SCGB2B2: variants seen among roughly 807,000 people sequenced by gnomAD.
SCGB2B2 encodes the protein secretoglobin-like protein.
SCGB2B2 carries 11 observed loss-of-function variants against 7.6 expected under a neutral mutation model. The observed-to-expected ratio is 1.45, with a 90% CI of 0.91 to 2.40. The LOEUF (loss-of-function observed/expected upper bound fraction) is 2.40, where lower values mean the gene tolerates loss of function less well. Among genes scored for constraint, SCGB2B2 ranks in the 30% most tolerant of loss-of-function variants. The pLI is 0.00. For synonymous variants in SCGB2B2, 50 were observed against 48.6 expected (o/e 1.03, Z -0.12); for missense variants, 104 against 115.4 (o/e 0.90, Z 0.45).
At chr19:34,664,155 C>T (rs541763650) in intron 1 of SCGB2B2, among the ~76,000 whole-genome samples, 3 of 152,316 alleles carry the variant, frequency 2.0e-5, no homozygotes, top group Non-Finnish European at 2.9e-5. Flanking sequence ...CCTCCCAGTG[C>T]GGGAGAAAAG....
chr19:34,668,225 G>C (rs2067691705), intron 1 of SCGB2B2, among the ~76,000 whole-genome samples: 2 of 152,198 alleles, frequency 1.3e-5, no homozygotes, highest in Non-Finnish European at 1.5e-5. Context: ...GGGGCTGAGC[G>C]TGGCGCTTGC....
intron 1 of SCGB2B2, among the ~76,000 whole-genome samples, chr19:34,625,806 C>T (rs113889163): frequency 9.8e-5 from 15 of 152,296 alleles, no homozygotes; most frequent in Admixed American, 7.2e-4. Flanking sequence ...GATCTGAGAA[C>T]GGACAGACTG....
chr19:34,598,205 G>A (rs560972173), intron 1 of SCGB2B2, among the ~76,000 whole-genome samples: 18 of 152,298 alleles, frequency 1.2e-4, no homozygotes, highest in Non-Finnish European at 1.9e-4. Context: ...GAACAGTGAC[G>A]CAGCACATGC....
chr19:34,673,648 A>C (rs192117726), intron 1 of SCGB2B2, among the ~76,000 whole-genome samples: 1 of 152,346 alleles, frequency 6.6e-6, no homozygotes, highest in Non-Finnish European at 1.5e-5. Context: ...AAAAAAAATT[A>C]TTACAGTATT....
intron 1 of SCGB2B2, chr19:34,637,578 A>T (rs2066720256): frequency 5.5e-6 from 1 of 182,784 alleles, no homozygotes; most frequent in African/African-American, 2.4e-5. Context: ...GCTACACTCC[A>T]CAACTCATCA....
rs1309903956 is a variant in SCGB2B2, at chr19:34,676,004, C to T, written c.-2406G>A. ...ACCCAAAGAGCAAAAGAACAAACAT[C>T]CCACACCTGGGAAGTAGACCCCAGC... On this transcript the variant is annotated 5_prime_UTR_variant, in exon 1 of 4. Transcript: ENST00000601241. 2.6e-5 allele frequency: 4 copies of T among 152,206 alleles called. No homozygotes were observed. The highest frequency in any genetic ancestry group is 9.7e-5 in the African/African-American group (4 of 41,448). 9.4% of individuals were successfully genotyped at this position (152,206 alleles called of 1,614,324 possible). A position where few individuals can be genotyped will look rare whatever the true frequency, so the allele number is the denominator to read the frequency against.
chr19:34,585,685 T>TGAAGGTTGAAGGTGA (rs1376714285), downstream of SCGB2B2, among the ~76,000 whole-genome samples: 3 of 152,152 alleles, frequency 2.0e-5, no homozygotes, highest in Non-Finnish European at 4.4e-5. Context: ...GGTGAGGGCT[T>TGAAGGTTGAAGGTGA]GGGTTGAAGA....
At chr19:34,650,850 C>T (rs2067144581) in intron 1 of SCGB2B2, among the ~76,000 whole-genome samples, 1 of 151,310 alleles carries the variant, frequency 6.6e-6, no homozygotes, top group Non-Finnish European at 1.5e-5. Context: ...TGCAAACATT[C>T]TCCACAAAAT....
At chr19:34,668,738 G>C (rs1368868421) in intron 1 of SCGB2B2, among the ~76,000 whole-genome samples, 2 of 152,148 alleles carry the variant, frequency 1.3e-5, no homozygotes, top group Non-Finnish European at 2.9e-5. Flanking sequence ...CTACTCTGGT[G>C]GGGACTTGGA....
chr19:34,599,734 C>G (rs1374100711), intron 1 of SCGB2B2, among the ~76,000 whole-genome samples: 1 of 152,090 alleles, frequency 6.6e-6, no homozygotes, highest in Non-Finnish European at 1.5e-5. Flanking sequence ...CCTGTCTTTT[C>G]CTCCCCGCCC....
At chr19:34,650,342 C>G (rs1458921016) in intron 1 of SCGB2B2, among the ~76,000 whole-genome samples, 1 of 151,282 alleles carries the variant, frequency 6.6e-6, no homozygotes, top group African/African-American at 2.5e-5. Context: ...CTCCTGCTCA[C>G]CTGGCTGAGC....
intron 1 of SCGB2B2, among the ~76,000 whole-genome samples, chr19:34,657,866 G>C (rs2067324386): frequency 6.6e-6 from 1 of 151,972 alleles, no homozygotes; most frequent in Non-Finnish European, 1.5e-5. Context: ...CCTCAGCAAA[G>C]GTAAAAGAAC....
At chr19:34,659,635 A>G (rs982120667) in intron 1 of SCGB2B2, among the ~76,000 whole-genome samples, 1 of 152,216 alleles carries the variant, frequency 6.6e-6, no homozygotes, top group African/African-American at 2.4e-5. Context: ...AGTGAAATAA[A>G]AGAGGACACA....
chr19:34,627,285 A>AAT (rs1286067595), intron 1 of SCGB2B2, among the ~76,000 whole-genome samples: 1 of 152,224 alleles, frequency 6.6e-6, no homozygotes, highest in African/African-American at 2.4e-5. Flanking sequence ...AAATGGGCTA[A>AAT]ATGCTCCAGT....
At chr19:34,588,819 A>G (rs922375155), downstream of SCGB2B2, among the ~76,000 whole-genome samples, 3 of 143,618 alleles carry the variant, frequency 2.1e-5, no homozygotes, top group African/African-American at 7.8e-5. Flanking sequence ...GAGGAGAAGG[A>G]AATGGGGGTG....
intron 1 of SCGB2B2, among the ~76,000 whole-genome samples, chr19:34,649,198 G>C (rs914876290): frequency 6.6e-6 from 1 of 152,140 alleles, no homozygotes; most frequent in African/African-American, 2.4e-5. Flanking sequence ...GAGCCACTGT[G>C]CCCAGCCTGG....
chr19:34,617,227 C>T (rs1268243278), intron 1 of SCGB2B2, among the ~76,000 whole-genome samples: 2 of 151,930 alleles, frequency 1.3e-5, no homozygotes, highest in Non-Finnish European at 2.9e-5. Context: ...TGAAGAAAGT[C>T]ATTGGTAGCT....
chr19:34,641,872 C>T (rs2066851697), intron 1 of SCGB2B2, among the ~76,000 whole-genome samples: 1 of 152,144 alleles, frequency 6.6e-6, no homozygotes, highest in Non-Finnish European at 1.5e-5. Flanking sequence ...GAAAGATTAG[C>T]TAAAGGTCTT....
At chr19:34,617,408 G>A (rs1272860891) in intron 1 of SCGB2B2, among the ~76,000 whole-genome samples, 1 of 151,500 alleles carries the variant, frequency 6.6e-6, no homozygotes, top group South Asian at 2.1e-4. Flanking sequence ...CACATCCCTT[G>A]TAAGTTGGAT....
Sources: allele counts gnomAD v4.1 joint callset (sites outside exome capture counted in the v4.1 genomes callset), GRCh38; gene constraint gnomAD v4.1.1; transcripts MANE v1.5; gene names NCBI Gene and HGNC (gene_info 2026-07-23, HGNC 2026-07-21).